The following MIS18BP1 variants were observed in gnomAD, a reference collection of about 807,000 sequenced individuals.
MIS18BP1 encodes MIS18 binding protein 1, also known as mis18-binding protein 1.
In MIS18BP1, 72 loss-of-function variants were observed where a neutral mutation model predicts 116.1. The observed-to-expected ratio is 0.62, with a 90% confidence interval of 0.51 to 0.75. MIS18BP1 has a LOEUF of 0.75. Among genes scored for constraint, MIS18BP1 ranks in the 30% least tolerant of loss-of-function variants. The pLI is 0.00. For missense variants in MIS18BP1, 1,363 were observed against 1,303.2 expected, an observed-to-expected ratio of 1.05 and a Z score of -0.71; for synonymous variants, 386 against 427.0, an observed-to-expected ratio of 0.90 and a Z score of 1.18.
chr14:45,242,426 A>G lies in MIS18BP1; in HGVS notation c.751T>C (p.Phe251Leu), dbSNP rs1891605861. ...LTRAQLAKQIFHSKESIVATT... is the reference protein window; with the variant it reads ...LTRAQLAKQILHSKESIVATT... Reference sequence around the variant, plus strand: ...GCAACTATACTCTCCTTTGAGTGAAAAATTTGTTTAGCCAACTGAGCTCTA... The same window carrying G: ...GCAACTATACTCTCCTTTGAGTGAAGAATTTGTTTAGCCAACTGAGCTCTA... Residue 251 changes from phenylalanine (F) to leucine (L), a missense_variant, in exon 4 of 17, where the codon TTT becomes CTT. Transcript: ENST00000310806. 6.2e-7 allele frequency: 1 copy of G among 1,613,800 alleles called. No homozygotes were observed. The highest frequency in any genetic ancestry group is 1.3e-5 in the African/African-American group (1 of 75,032).
chr14:45,215,067 T>G (rs1419619673), intron 13 of MIS18BP1, among the ~76,000 whole-genome samples: 1 of 152,210 alleles, frequency 6.6e-6, no homozygotes, highest in Non-Finnish European at 1.5e-5. Flanking sequence ...TTCTTTATGA[T>G]GCTACTATTG....
At chr14:45,237,795 TAAAAG>T (rs1289690934) in intron 4 of MIS18BP1, 74 bp from the exon 5 acceptor site, 8 of 1,505,520 alleles carry the variant, frequency 5.3e-6, no homozygotes, top group Non-Finnish European at 7.1e-6. Context: ...TAACTTACAT[TAAAAG>T]AAAAAACTTG....
intron 8 of MIS18BP1, 97 bp downstream of exon 8, chr14:45,231,044 A>G (rs1241601297): frequency 1.5e-6 from 2 of 1,295,350 alleles, no homozygotes; most frequent in African/African-American, 3.0e-5. Context: ...ATACTATACT[A>G]TACACATTAC....
intron 1 of MIS18BP1, 136 bp from the exon 2 acceptor site, chr14:45,247,513 C>T (rs1023129426): frequency 1.4e-5 from 5 of 355,392 alleles, no homozygotes; most frequent in African/African-American, 4.3e-5. Flanking sequence ...ACAAATCAGA[C>T]TAAGATTTTA....
rs1891928768 is a variant in MIS18BP1, at chr14:45,253,134, G to A, written c.-191C>T. On this transcript the variant is annotated 5_prime_UTR_variant, in exon 1 of 17. Coordinates refer to ENST00000310806, the MANE Select transcript of MIS18BP1 (RefSeq NM_018353.5). Reference sequence around the variant, plus strand: ...CGCCGGGCTCGCGCCTCAGGCCCACGGTGTATCCTGCCCGCGGCGGCCAGG... The same window carrying A: ...CGCCGGGCTCGCGCCTCAGGCCCACAGTGTATCCTGCCCGCGGCGGCCAGG... The A allele has an allele frequency of 6.6e-6, 1 of 152,310 alleles. No homozygotes were observed. Among genetic ancestry groups the A allele is most frequent in the African/African-American group, 2.4e-5 (1 of 41,474 alleles). 9.4% of individuals were successfully genotyped at this position (152,310 alleles called of 1,614,324 possible).
At chr14:45,238,924 G>C (rs750021289) in intron 4 of MIS18BP1, among the ~76,000 whole-genome samples, 2 of 152,082 alleles carry the variant, frequency 1.3e-5, no homozygotes, top group African/African-American at 4.8e-5. Flanking sequence ...CACAAATATG[G>C]CTTCTGTTTT....
chr14:45,244,649 A>C (rs376332223), intron 2 of MIS18BP1, among the ~76,000 whole-genome samples: 2 of 152,220 alleles, frequency 1.3e-5, no homozygotes, highest in South Asian at 2.1e-4. Context: ...TTTTAAATTC[A>C]TGTTCACAAA....
At chr14:45,235,973 TC>T in intron 5 of MIS18BP1, 29 bp from the exon 6 acceptor site, 1 of 1,544,000 alleles carries the variant, frequency 6.5e-7, no homozygotes, top group Non-Finnish European at 8.8e-7. Context: ...TTTGGTAAGG[TC>T]AAAATATTCA....
chr14:45,251,567 C>A (rs377731901), intron 1 of MIS18BP1, among the ~76,000 whole-genome samples: 2 of 151,594 alleles, frequency 1.3e-5, no homozygotes, highest in East Asian at 1.9e-4. Context: ...GCACACTAAC[C>A]AAAACTGGGA....
At chr14:45,205,086 T>C (rs555952856) in intron 15 of MIS18BP1, among the ~76,000 whole-genome samples, 1 of 152,270 alleles carries the variant, frequency 6.6e-6, no homozygotes, top group South Asian at 2.1e-4. Context: ...AAAAATCTTT[T>C]AAAAATAAAA....
At chr14:45,230,131 G>A (rs1891235515) in intron 8 of MIS18BP1, among the ~76,000 whole-genome samples, 2 of 152,248 alleles carry the variant, frequency 1.3e-5, no homozygotes, top group East Asian at 1.9e-4. Context: ...TCAAGTTTTG[G>A]AAGTTCTGTA....
At chr14:45,214,778 T>G (rs1345284147) in intron 13 of MIS18BP1, among the ~76,000 whole-genome samples, 1 of 152,146 alleles carries the variant, frequency 6.6e-6, no homozygotes, top group Non-Finnish European at 1.5e-5. Context: ...TGAGATGGAG[T>G]TTCGCTCTTG....
At position 45,251,150 on chromosome 14, in the gene MIS18BP1, CT is replaced by C. The variant is rs538559660; in HGVS notation, c.-92+1884del. Among the ~76,000 whole-genome samples, 48 of 151,454 alleles carry C rather than the reference CT, an allele frequency of 3.2e-4. No homozygotes were observed. In the South Asian group the frequency reaches 9.0e-3, roughly 28 times the overall value. Reference sequence around the variant, plus strand: ...GTCCCATAAGATTATTTTGGTGTACCTTTTTTTTAAACTTATTTTTACTGTA... The same window carrying C: ...GTCCCATAAGATTATTTTGGTGTACCTTTTTTTAAACTTATTTTTACTGTA... On this transcript the variant is annotated intron_variant, in intron 1 of 16. Transcript: ENST00000310806.
rs1415648633 is a variant in MIS18BP1, at chr14:45,203,866, A to G, written c.*243T>C. On this transcript the variant is annotated 3_prime_UTR_variant, in exon 17 of 17. Coordinates refer to ENST00000310806, the MANE Select transcript of MIS18BP1 (RefSeq NM_018353.5). ...ATGCTTATTAAAAAATTATCTATAT[A>G]TATTTTAATATGCAAAAACAAATTT... 2 of 233,530 alleles carry G rather than the reference A, an allele frequency of 8.6e-6. No individual in the cohort carries two copies. Among genetic ancestry groups the G allele is most frequent in the South Asian group, 1.2e-4 (1 of 8,182 alleles). The allele number at this position is 233,530 out of a possible 1,614,324, so 14.5% of individuals were successfully genotyped here.
intron 11 of MIS18BP1, among the ~76,000 whole-genome samples, chr14:45,222,540 T>C (rs1891002911): frequency 6.6e-6 from 1 of 152,054 alleles, no homozygotes; most frequent in Admixed American, 6.6e-5. Flanking sequence ...TCTACTATCA[T>C]TGTTGTTTCA....
intron 4 of MIS18BP1, chr14:45,241,445 G>T (rs1308406347): frequency 1.3e-5 from 2 of 152,562 alleles, no homozygotes; most frequent in African/African-American, 4.8e-5. Flanking sequence ...GCTCCAGCCT[G>T]GGTGACAGAG....
chr14:45,230,307 G>T (rs1891240134), intron 8 of MIS18BP1, among the ~76,000 whole-genome samples: 1 of 152,194 alleles, frequency 6.6e-6, no homozygotes, highest in Admixed American at 6.5e-5. Flanking sequence ...ATACAGAACA[G>T]TTCTGCTCTG....
At chr14:45,237,209 C>T (rs1241428298) in intron 5 of MIS18BP1, among the ~76,000 whole-genome samples, 1 of 151,930 alleles carries the variant, frequency 6.6e-6, no homozygotes, top group East Asian at 1.9e-4. Context: ...CCAGAAAGTG[C>T]CAATGATTAC....
At chr14:45,229,124 A>C (rs1891206782) in intron 8 of MIS18BP1, among the ~76,000 whole-genome samples, 1 of 144,222 alleles carries the variant, frequency 6.9e-6, no homozygotes, top group Non-Finnish European at 1.5e-5. Flanking sequence ...CTAAACCAAG[A>C]TCCCTGGGGG....
Sources: gnomAD v4.1 joint callset for allele counts (sites outside exome capture counted in the v4.1 genomes callset) on GRCh38, gnomAD v4.1.1 for gene constraint, MANE v1.5 for transcripts, NCBI Gene and HGNC (gene_info 2026-07-23, HGNC 2026-07-21) for gene names.